The following ANKRD30BL variants were observed in gnomAD, a reference collection of about 807,000 sequenced individuals.
ANKRD30BL encodes the protein ankyrin repeat domain 30B like.
In ANKRD30BL, 20 loss-of-function variants were observed where a neutral mutation model predicts 18.4. That is an observed-to-expected ratio of 1.09 (90% confidence interval 0.77 to 1.58). The LOEUF (loss-of-function observed/expected upper bound fraction) is 1.58. Ranked by LOEUF, ANKRD30BL falls within the 40% of genes most tolerant of loss-of-function variation. The probability of loss-of-function intolerance (pLI) is 0.00; values close to 1 mark genes in which losing one functional copy is unlikely to be tolerated. For missense variants in ANKRD30BL, 224 were observed against 268.6 expected, an observed-to-expected ratio of 0.83 and a Z score of 1.16; for synonymous variants, 72 against 100.9, an observed-to-expected ratio of 0.71 and a Z score of 1.72.
At chr2:132,236,063 A>C (rs1371526239) in intron 1 of ANKRD30BL, among the ~76,000 whole-genome samples, 1 of 152,150 alleles carries the variant, frequency 6.6e-6, no homozygotes, top group Non-Finnish European at 1.5e-5. Context: ...ATCTTTGACA[A>C]ACCTGAGAAA....
chr2:132,250,435 T>C (rs1167645255), intron 1 of ANKRD30BL, among the ~76,000 whole-genome samples: 1 of 152,184 alleles, frequency 6.6e-6, no homozygotes, highest in Non-Finnish European at 1.5e-5. Context: ...AGGACCAACA[T>C]GAGCATTTAG....
At chr2:132,188,713 AAAC>A (rs72500297) in intron 1 of ANKRD30BL, among the ~76,000 whole-genome samples, 69 of 151,604 alleles carry the variant, frequency 4.6e-4, no homozygotes, top group Middle Eastern at 3.4e-3. Flanking sequence ...CTGTCTCAGA[AAAC>A]AACAACAACA....
chr2:132,164,416 G>A (rs1688150404), upstream of ANKRD30BL, among the ~76,000 whole-genome samples: 2 of 151,646 alleles, frequency 1.3e-5, no homozygotes, highest in South Asian at 4.2e-4. Flanking sequence ...TCAGCCTCCT[G>A]AGTAGCTGGG....
chr2:132,232,974 A>T (rs1335068412), intron 1 of ANKRD30BL, among the ~76,000 whole-genome samples: 3 of 152,188 alleles, frequency 2.0e-5, no homozygotes, highest in Non-Finnish European at 4.4e-5. Context: ...CCACCAGACT[A>T]ACAGCGGATC....
At chr2:132,179,668 C>G (rs1688427919) in intron 1 of ANKRD30BL, among the ~76,000 whole-genome samples, 1 of 152,032 alleles carries the variant, frequency 6.6e-6, no homozygotes, top group Non-Finnish European at 1.5e-5. Context: ...TCAGGCAGGT[C>G]CTTCAGGAGG....
chr2:132,257,616 G>C (rs1282252212), exon 1 of ANKRD30BL: 1 of 172,718 alleles, frequency 5.8e-6, no homozygotes, highest in South Asian at 1.2e-4. Context: ...GGCAGGCCGG[G>C]GGATCCGGTA....
chr2:132,191,198 TG>T (rs1558925848), intron 1 of ANKRD30BL, among the ~76,000 whole-genome samples: 1 of 152,200 alleles, frequency 6.6e-6, no homozygotes, highest in East Asian at 1.9e-4. Context: ...ATATACCTAC[TG>T]TTGTTTCATT....
rs1678960654 is a variant in ANKRD30BL at position 132,196,070 on chromosome 2, AG to A, written n.442-38925del. On this transcript the variant is annotated intron_variant and non_coding_transcript_variant, in intron 1 of 4. Transcript: ENST00000470729. ...GGCAGGAGAATAGCGTGAACCTGGG[AG>A]GCAGAGCTGGCAGTGAGCTGAGATC... Among the ~76,000 whole-genome samples, 3 of 150,790 alleles carry A rather than the reference AG, an allele frequency of 2.0e-5. No individual in the cohort carries two copies. In the South Asian group the frequency reaches 6.3e-4, roughly 32 times the overall value.
intron 1 of ANKRD30BL, among the ~76,000 whole-genome samples, chr2:132,221,866 G>T (rs1381647240): frequency 6.4e-5 from 8 of 124,076 alleles, no homozygotes; most frequent in Admixed American, 1.4e-4. Context: ...CGGGAGGGGG[G>T]AGGGGGAGTC....
chr2:132,198,267 CT>C (rs111911913), intron 1 of ANKRD30BL, among the ~76,000 whole-genome samples: 5,990 of 127,740 alleles, frequency 0.047, 655 homozygotes, highest in African/African-American at 0.21. Flanking sequence ...TTCTTTCTTT[CT>C]TTTCTTTCTT....
chr2:132,154,103 C>T (rs1687838467), intron 4 of ANKRD30BL, among the ~76,000 whole-genome samples: 1 of 152,050 alleles, frequency 6.6e-6, no homozygotes, highest in African/African-American at 2.4e-5. Flanking sequence ...GTACCTGGGA[C>T]TACAGGCTTG....
At chr2:132,229,584 G>T (rs1382277379) in intron 1 of ANKRD30BL, among the ~76,000 whole-genome samples, 2 of 152,044 alleles carry the variant, frequency 1.3e-5, no homozygotes, top group South Asian at 2.1e-4. Flanking sequence ...GTTGTTATTT[G>T]GAACTCTGTG....
intron 1 of ANKRD30BL, among the ~76,000 whole-genome samples, chr2:132,237,424 A>T (rs940352316): frequency 6.6e-6 from 1 of 151,932 alleles, no homozygotes; most frequent in African/African-American, 2.4e-5. Flanking sequence ...AGCATTGAGG[A>T]TTTCGTTGGA....
chr2:132,192,207 G>A (rs1678870633), intron 1 of ANKRD30BL, among the ~76,000 whole-genome samples: 1 of 152,172 alleles, frequency 6.6e-6, no homozygotes, highest in Non-Finnish European at 1.5e-5. Flanking sequence ...CACAAGACAA[G>A]TCAGGGAGAT....
At chr2:132,214,982 G>A (rs199714137) in intron 1 of ANKRD30BL, among the ~76,000 whole-genome samples, 1 of 112,372 alleles carries the variant, frequency 8.9e-6, no homozygotes, top group African/African-American at 3.1e-5. Flanking sequence ...TTGGAGAGCT[G>A]TGTGGCCTAT....
chr2:132,178,026 AT>A (rs1177932717), intron 1 of ANKRD30BL, among the ~76,000 whole-genome samples: 21 of 152,150 alleles, frequency 1.4e-4, no homozygotes, highest in Non-Finnish European at 3.1e-4. Flanking sequence ...AATGAAATGA[AT>A]TTTTTTAGAA....
Position 132,237,828 on chromosome 2 carries a change from C to T in ANKRD30BL, n.441+19701G>A, listed in dbSNP as rs147485073. ...AGACAGAAGAATTCTCAGAAACTTC[C>T]TCATGATGTGTGTACTTAACTCACA... On this transcript the variant is annotated intron_variant and non_coding_transcript_variant, in intron 1 of 4. Transcript: ENST00000470729. 2.0e-3 allele frequency among the ~76,000 whole-genome samples: 301 copies of T among 151,522 alleles called. 1 individual carries two copies. The highest frequency in any genetic ancestry group is 6.9e-3 in the African/African-American group (285 of 41,358).
At chr2:132,175,091 A>G (rs1231190914) in intron 1 of ANKRD30BL, among the ~76,000 whole-genome samples, 3 of 152,206 alleles carry the variant, frequency 2.0e-5, no homozygotes, top group Non-Finnish European at 4.4e-5. Flanking sequence ...TGAGAAAAGA[A>G]ATAAGACACA....
At chr2:132,236,554 G>A (rs994585910) in intron 1 of ANKRD30BL, among the ~76,000 whole-genome samples, 117 of 152,254 alleles carry the variant, frequency 7.7e-4, no homozygotes, top group African/African-American at 2.7e-3. Context: ...TCAGAGAAAT[G>A]CAAATCAAAA....
Sources: gnomAD v4.1 joint callset for allele counts (sites outside exome capture counted in the v4.1 genomes callset) on GRCh38, gnomAD v4.1.1 for gene constraint, MANE v1.5 for transcripts, NCBI Gene and HGNC (gene_info 2026-07-23, HGNC 2026-07-21) for gene names.